Variants in SF3A3 observed in about 807,000 individuals in gnomAD.
SF3A3 encodes SAP 61.
In SF3A3, 9 loss-of-function variants were observed where a neutral mutation model predicts 85.8. That is an observed-to-expected ratio of 0.10 (90% CI 0.06 to 0.18). SF3A3 has a LOEUF of 0.18. Ranked by LOEUF, SF3A3 falls within the 10% of genes least tolerant of loss-of-function variation. The pLI, the probability that SF3A3 is intolerant of heterozygous loss-of-function variation, is 1.00. For missense variants in SF3A3, 306 were observed against 593.3 expected (o/e 0.52, Z 5.03); for synonymous variants, 195 against 204.4 (o/e 0.95, Z 0.39).
chr1:37,987,959 C>A, intron 2 of SF3A3, 123 bp from the exon 3 acceptor site: 1 of 792,684 alleles, frequency 1.3e-6, no homozygotes, highest in African/African-American at 1.7e-5. Flanking sequence ...ATGAGATAGT[C>A]TTAACAGTTC....
chr1:37,968,254 CA>C, intron 14 of SF3A3, 120 bp from the exon 15 acceptor site: 1 of 688,246 alleles, frequency 1.5e-6, no homozygotes, highest in Non-Finnish European at 2.7e-6. Flanking sequence ...CTAAAGGTAG[CA>C]TTCCTTTTGT....
chr1:37,972,626 T>G (rs189918868), intron 12 of SF3A3, among the ~76,000 whole-genome samples: 5 of 152,138 alleles, frequency 3.3e-5, no homozygotes, highest in African/African-American at 1.2e-4. Flanking sequence ...CAAACTATAC[T>G]ACAAGGCTAC....
At chr1:37,985,313 C>T (rs573514959) in intron 4 of SF3A3, among the ~76,000 whole-genome samples, 1 of 152,310 alleles carries the variant, frequency 6.6e-6, no homozygotes, top group South Asian at 2.1e-4. Flanking sequence ...AAAAGTCCAC[C>T]TTTATTAATT....
chr1:37,981,794 T>C lies in SF3A3; in HGVS notation c.486A>G (p.Thr162=). The C allele has an allele frequency of 1.3e-6, 2 of 1,586,836 alleles. No homozygotes were observed. Among genetic ancestry groups the C allele is most frequent in the Non-Finnish European group, 8.6e-7 (1 of 1,158,680 alleles). ...LKASEKLDYI[T]YLSIFDQLFD... is the part of the protein sequence containing the mutation. ...ATAATTGGTCAAAGATGGACAGGTA[T>C]GTGATATAATCCAGCTTCTGAAAAG... Residue 162 remains threonine, a synonymous_variant, in exon 7 of 17, where the codon ACA becomes ACG. Coordinates refer to ENST00000373019, the MANE Select transcript of SF3A3 (RefSeq NM_006802.4).
intron 7 of SF3A3, among the ~76,000 whole-genome samples, chr1:37,980,994 C>A (rs553718093): frequency 6.6e-6 from 1 of 151,760 alleles, no homozygotes; most frequent in African/African-American, 2.4e-5. Flanking sequence ...GGATTACAGG[C>A]ATGCGCCACC....
intron 12 of SF3A3, among the ~76,000 whole-genome samples, chr1:37,973,937 T>C (rs1269406560): frequency 1.3e-5 from 2 of 152,154 alleles, no homozygotes; most frequent in Non-Finnish European, 2.9e-5. Context: ...TGTAGGGACA[T>C]GGATGAAGCT....
At chr1:37,972,090 T>C (rs986227817) in intron 12 of SF3A3, among the ~76,000 whole-genome samples, 2 of 152,204 alleles carry the variant, frequency 1.3e-5, no homozygotes, top group Non-Finnish European at 2.9e-5. Flanking sequence ...GATGACATGA[T>C]TGTACATTTA....
rs752384843 is a variant in SF3A3, at chr1:37,969,728, C to T, written c.1013G>A (p.Arg338Gln). 1.8e-5 allele frequency: 29 copies of T among 1,613,904 alleles called. 2 individuals carry two copies. The highest frequency in any genetic ancestry group is 1.3e-4 in the South Asian group (12 of 91,072). ...CTGTACATTTTCATGAGTGAGATGT[C>T]GCTGTTCCTAAAGCAGGTCCATAAA... ...YEYVEILGEQ[R>Q]HLTHENVQRK... The change falls in exon 13 of 17, where the codon CGA (arginine) becomes CAA (glutamine). Residue 338 changes from arginine to glutamine, a missense_variant. Physicochemically the swap from Arg to Gln is conservative, Grantham distance 43. Coordinates refer to ENST00000373019, the MANE Select transcript of SF3A3 (RefSeq NM_006802.4).
At chr1:37,973,206 A>G (rs945501990) in intron 12 of SF3A3, among the ~76,000 whole-genome samples, 1 of 152,052 alleles carries the variant, frequency 6.6e-6, no homozygotes, top group Non-Finnish European at 1.5e-5. Flanking sequence ...AGAAAAAGAA[A>G]AAAAGACTTA....
intron 4 of SF3A3, among the ~76,000 whole-genome samples, chr1:37,986,516 C>T (rs1646458038): frequency 6.6e-6 from 1 of 151,948 alleles, no homozygotes; most frequent in Admixed American, 6.6e-5. Flanking sequence ...TAAGTGAGCT[C>T]CAGGGCATAT....
chr1:37,989,915 C>A lies in SF3A3; in HGVS notation c.51G>T (p.Arg17=). ...QQRRYHEEKE[R]LMDVMAKEML... is the part of the protein sequence containing the mutation. ...TCTCTTTAGCCATGACGTCCATGAGCCGTTCCTTCTCCTCATGATAGCGCC... is the reference window on the plus strand; with the variant it reads ...TCTCTTTAGCCATGACGTCCATGAGACGTTCCTTCTCCTCATGATAGCGCC... The change falls in exon 1 of 17, where the codon CGG becomes CGT. Residue 17 remains arginine (R), a synonymous_variant. Transcript: ENST00000373019. 3 of 1,613,726 alleles carry A rather than the reference C, an allele frequency of 1.9e-6. No individual in the cohort carries two copies. The highest frequency in any genetic ancestry group is 2.5e-6 in the Non-Finnish European group (3 of 1,179,932).
chr1:37,986,858 G>A (rs1288698876), intron 4 of SF3A3, among the ~76,000 whole-genome samples: 1 of 147,968 alleles, frequency 6.8e-6, no homozygotes, highest in Non-Finnish European at 1.5e-5. Flanking sequence ...ACAATTTATT[G>A]GGGAGAGTAA....
intron 6 of SF3A3, among the ~76,000 whole-genome samples, chr1:37,983,245 T>C (rs1168937952): frequency 9.0e-6 from 1 of 111,298 alleles, no homozygotes; most frequent in African/African-American, 3.7e-5. Context: ...GCCAGGAACA[T>C]GGTATTTATT....
intron 12 of SF3A3, 87 bp from the exon 13 acceptor site, chr1:37,969,822 C>T (rs1288232223): frequency 7.1e-7 from 1 of 1,401,056 alleles, no homozygotes; most frequent in East Asian, 2.3e-5. Flanking sequence ...CTTTTGCTGA[C>T]CCCTTACTTC....
At position 37,957,388 on chromosome 1, in the gene SF3A3, C is replaced by CG. The variant is rs1557744283; in HGVS notation, c.*797_*798insC. 4.6e-4 allele frequency: 35 copies of CG among 76,246 alleles called. No individual in the cohort carries two copies. The highest frequency in any genetic ancestry group is 7.2e-4 in the Non-Finnish European group (29 of 40,220). The allele number at this position is 76,246 out of a possible 1,614,324, so 4.7% of individuals were successfully genotyped here. On this transcript the variant is annotated 3_prime_UTR_variant, in exon 17 of 17. Transcript: ENST00000373019. ...ACACAGCCCAACTCCCCCCCCCCCC[C>CG]CTTTTTTTTTTTTTGAGATGGGGCC...
chr1:37,971,551 C>CA (rs890356283), intron 12 of SF3A3, among the ~76,000 whole-genome samples: 18 of 151,650 alleles, frequency 1.2e-4, no homozygotes, highest in Admixed American at 5.3e-4. Context: ...GAGACCACAA[C>CA]AAAAAAAAGA....
intron 12 of SF3A3, among the ~76,000 whole-genome samples, chr1:37,970,961 G>A (rs1325756222): frequency 2.6e-5 from 4 of 152,026 alleles, no homozygotes; most frequent in Admixed American, 2.6e-4. Flanking sequence ...AGAAGCAAGA[G>A]CAAACACATT....
At chr1:37,969,803 T>C in intron 12 of SF3A3, 68 bp from the exon 13 acceptor site, 1 of 1,549,036 alleles carries the variant, frequency 6.5e-7, no homozygotes, top group Non-Finnish European at 8.8e-7. Context: ...ATTTCCTGTT[T>C]TCCTGTAACT....
Position 37,969,476 on chromosome 1 carries a change from AAAAAC to A in SF3A3, c.1171-17_1171-13del, listed in dbSNP as rs1199980184. On this transcript the variant is annotated splice_polypyrimidine_tract_variant and intron_variant, in intron 13 of 16. Transcript: ENST00000373019. ...CAGTAGGGAATAGGCTAAAAAAGAA[AAAAAC>A]AAAACAAAACCAAGAAGTGTTAGCC... is the stretch of plus-strand genomic sequence containing the variant. The A allele has an allele frequency of 1.2e-6, 2 of 1,613,342 alleles. No homozygotes were observed. Among genetic ancestry groups the A allele is most frequent in the South Asian group, 1.1e-5 (1 of 91,072 alleles).
Sources: gnomAD v4.1 joint callset for allele counts (sites outside exome capture counted in the v4.1 genomes callset) on GRCh38, gnomAD v4.1.1 for gene constraint, MANE v1.5 for transcripts, NCBI Gene and HGNC (gene_info 2026-07-23, HGNC 2026-07-21) for gene names.